The following MDGA2 variants were observed in gnomAD, a reference collection of about 807,000 sequenced individuals.
MDGA2 encodes the protein MAM domain containing glycosylphosphatidylinositol anchor 2, also known as MAM domain-containing glycosylphosphatidylinositol anchor protein 2.
In MDGA2, 40 loss-of-function variants were observed where a neutral mutation model predicts 117.8. The ratio of observed to expected loss-of-function variants is 0.34; its 90% CI spans 0.26 to 0.44. MDGA2 has a LOEUF of 0.44. Ranked by LOEUF, MDGA2 falls within the 20% of genes least tolerant of loss-of-function variation. MDGA2 has a pLI of 1.00. For synonymous variants in MDGA2, 452 were observed against 439.0 expected (o/e 1.03, Z -0.37); for missense variants, 1,123 against 1,250.6 (o/e 0.90, Z 1.54).
rs557014986 is a variant in MDGA2 at position 47,095,126 on chromosome 14, A to G, written c.1195+1728T>C. Among the ~76,000 whole-genome samples, 29 of 152,142 alleles carry G rather than the reference A, an allele frequency of 1.9e-4. No homozygotes were observed. In the South Asian group the frequency reaches 2.3e-3, roughly 12 times the overall value. ...ATTTGCTGAGTCCTTAGCCCATGGT[A>G]GTTGTGCAGTAGAAGTTCATTAAAC... On this transcript the variant is annotated intron_variant, in intron 6 of 16. Coordinates refer to ENST00000399232, the MANE Select transcript of MDGA2 (RefSeq NM_001113498.3).
At chr14:47,103,904 G>T (rs1003204765) in intron 5 of MDGA2, among the ~76,000 whole-genome samples, 4 of 152,060 alleles carry the variant, frequency 2.6e-5, no homozygotes, top group African/African-American at 9.7e-5. Flanking sequence ...TAGATATCAG[G>T]CCCTGTGACA....
At chr14:47,496,029 T>C (rs1037559490) in intron 1 of MDGA2, among the ~76,000 whole-genome samples, 2 of 152,050 alleles carry the variant, frequency 1.3e-5, no homozygotes, top group Non-Finnish European at 2.9e-5. Context: ...TTTGGGTAAA[T>C]TGCCTCTTCA....
intron 3 of MDGA2, among the ~76,000 whole-genome samples, chr14:47,150,760 C>A (rs937455377): frequency 6.6e-6 from 1 of 151,874 alleles, no homozygotes; most frequent in Non-Finnish European, 1.5e-5. Flanking sequence ...CTTGTCTCTA[C>A]TAAAAATATA....
chr14:47,395,935 T>G (rs1271090684), intron 1 of MDGA2, among the ~76,000 whole-genome samples: 2 of 152,168 alleles, frequency 1.3e-5, no homozygotes, highest in East Asian at 3.8e-4. Context: ...GGTTCTCATA[T>G]TTACTTTCGT....
In MDGA2 at chr14:47,193,412, C is replaced by T. The variant is rs556594053; in HGVS notation, c.595+24609G>A. Reference sequence around the variant, plus strand: ...TAGATTAGGAATCAGACCCATCTGTCCCAGAGTCTTGGATCTTAACCATGT... The same window carrying T: ...TAGATTAGGAATCAGACCCATCTGTTCCAGAGTCTTGGATCTTAACCATGT... On this transcript the variant is annotated intron_variant, in intron 3 of 16. Coordinates refer to ENST00000399232, the MANE Select transcript of MDGA2 (RefSeq NM_001113498.3). Among the ~76,000 whole-genome samples, 6 of 152,246 alleles carry T rather than the reference C, an allele frequency of 3.9e-5. No homozygotes were observed. The South Asian group carries it at 1.2e-3, about 32-fold the overall frequency.
chr14:47,294,870 A>G (rs142113619), intron 2 of MDGA2, among the ~76,000 whole-genome samples: 15 of 152,322 alleles, frequency 9.8e-5, no homozygotes, highest in Non-Finnish European at 1.9e-4. Flanking sequence ...CCATTTGAGA[A>G]TCTGCATAGA....
intron 8 of MDGA2, among the ~76,000 whole-genome samples, chr14:47,000,591 G>T (rs1027771826): frequency 6.6e-6 from 1 of 150,792 alleles, no homozygotes; most frequent in Non-Finnish European, 1.5e-5. Context: ...GGCATAGAAT[G>T]ATTATAAAGT....
intron 1 of MDGA2, among the ~76,000 whole-genome samples, chr14:47,535,195 T>C (rs1376015138): frequency 6.6e-6 from 1 of 152,204 alleles, no homozygotes; most frequent in Non-Finnish European, 1.5e-5. Flanking sequence ...TTATATCACT[T>C]ACACAATTTC....
chr14:47,300,283 T>C (rs1014272144), intron 2 of MDGA2, among the ~76,000 whole-genome samples: 6 of 152,228 alleles, frequency 3.9e-5, no homozygotes, highest in Admixed American at 2.6e-4. Flanking sequence ...AGTGAAACTA[T>C]TTTTCCTACC....
chr14:47,207,348 T>C (rs981666613), intron 3 of MDGA2, among the ~76,000 whole-genome samples: 10 of 151,888 alleles, frequency 6.6e-5, no homozygotes, highest in Admixed American at 4.6e-4. Flanking sequence ...ATAGAAAGAA[T>C]GTAAATTTTT....
At chr14:47,219,743 A>C (rs1886230171) in intron 2 of MDGA2, among the ~76,000 whole-genome samples, 1 of 152,084 alleles carries the variant, frequency 6.6e-6, no homozygotes, top group Non-Finnish European at 1.5e-5. Flanking sequence ...GAAAAAATAA[A>C]ATACAAAATG....
chr14:46,971,448 G>T (rs1259830371), intron 8 of MDGA2, among the ~76,000 whole-genome samples: 1 of 152,046 alleles, frequency 6.6e-6, no homozygotes, highest in African/African-American at 2.4e-5. Flanking sequence ...AGTGAGATAA[G>T]ACAGTCACAG....
chr14:46,914,866 G>C (rs953402230), intron 10 of MDGA2, among the ~76,000 whole-genome samples: 1 of 151,826 alleles, frequency 6.6e-6, no homozygotes, highest in Non-Finnish European at 1.5e-5. Flanking sequence ...TACATGTATA[G>C]GCTAAAAATA....
At chr14:46,931,388 A>G (rs964226910) in intron 9 of MDGA2, among the ~76,000 whole-genome samples, 2 of 152,006 alleles carry the variant, frequency 1.3e-5, no homozygotes, top group South Asian at 2.1e-4. Context: ...ATCAGGGAAA[A>G]TATCTCCCCT....
chr14:47,079,064 A>C (rs1363467929), intron 6 of MDGA2, among the ~76,000 whole-genome samples: 1 of 151,954 alleles, frequency 6.6e-6, no homozygotes, highest in Non-Finnish European at 1.5e-5. Flanking sequence ...GGATGGAAGG[A>C]AGAAAGGAAG....
intron 2 of MDGA2, among the ~76,000 whole-genome samples, chr14:47,238,302 A>C (rs1048528764): frequency 6.6e-6 from 1 of 152,206 alleles, no homozygotes; most frequent in African/African-American, 2.4e-5. Context: ...TAAAAAATAT[A>C]ACTTTCATGT....
chr14:47,037,531 C>T (rs1011785835), intron 7 of MDGA2, among the ~76,000 whole-genome samples: 3 of 152,162 alleles, frequency 2.0e-5, no homozygotes, highest in Non-Finnish European at 4.4e-5. Context: ...CTGCCTGTCA[C>T]TTGGTCACTG....
chr14:47,076,221 G>C (rs1890485717), intron 6 of MDGA2, among the ~76,000 whole-genome samples: 1 of 151,726 alleles, frequency 6.6e-6, no homozygotes. Context: ...AATTATAACA[G>C]ATGAACTGTC....
intron 7 of MDGA2, chr14:47,059,018 A>G (rs895959522): frequency 1.0e-6 from 1 of 1,001,096 alleles, no homozygotes; most frequent in Non-Finnish European, 1.2e-6. Context: ...ATAAAACATT[A>G]AGTCACTATA....
Sources: gnomAD v4.1 joint callset for allele counts (sites outside exome capture counted in the v4.1 genomes callset) on GRCh38, gnomAD v4.1.1 for gene constraint, MANE v1.5 for transcripts, NCBI Gene and HGNC (gene_info 2026-07-23, HGNC 2026-07-21) for gene names.